The following NBEA variants were observed in gnomAD, a reference collection of about 807,000 sequenced individuals.
NBEA encodes the protein neurobeachin.
In NBEA, 44 loss-of-function variants were observed where a neutral mutation model predicts 343.4. The ratio of observed to expected loss-of-function variants is 0.13; its 90% CI spans 0.10 to 0.16. The LOEUF is 0.16. NBEA is among the 10% of genes least tolerant of loss of function. The pLI, the probability that NBEA is intolerant of heterozygous loss-of-function variation, is 1.00. For missense variants in NBEA, 2,555 were observed against 3,631.3 expected, an observed-to-expected ratio of 0.70 and a Z score of 7.62; for synonymous variants, 1,175 against 1,238.7, an observed-to-expected ratio of 0.95 and a Z score of 1.08.
intron 40 of NBEA, among the ~76,000 whole-genome samples, chr13:35,457,231 A>G (rs1203507912): frequency 6.6e-6 from 1 of 151,824 alleles, no homozygotes; most frequent in East Asian, 1.9e-4. Flanking sequence ...TATCATCTCC[A>G]TAATATTTTG....
chr13:35,021,643 A>G lies in NBEA; in HGVS notation c.295-19290A>G, dbSNP rs73487672. Among the ~76,000 whole-genome samples the G allele has an allele frequency of 2.3e-3, 344 of 151,376 alleles. 2 individuals are homozygous for G. The highest frequency in any genetic ancestry group is 7.9e-3 in the African/African-American group (327 of 41,314). Reference sequence around the variant, plus strand: ...CTACACTTTTTTTTTTACATGTTTAATGGTTTTTCTAGAGTTTATCATATG... The same window carrying G: ...CTACACTTTTTTTTTTACATGTTTAGTGGTTTTTCTAGAGTTTATCATATG... On this transcript the variant is annotated intron_variant, in intron 1 of 58. Coordinates refer to ENST00000379939, the MANE Select transcript of NBEA (RefSeq NM_001385012.1).
chr13:34,998,830 C>T (rs990343421), intron 1 of NBEA, among the ~76,000 whole-genome samples: 12 of 152,112 alleles, frequency 7.9e-5, no homozygotes, highest in Non-Finnish European at 1.5e-4. Flanking sequence ...TCCTCCTCAG[C>T]TTACGAAGAT....
At chr13:34,995,423 GAAA>G (rs35718599) in intron 1 of NBEA, among the ~76,000 whole-genome samples, 1 of 143,642 alleles carries the variant, frequency 7.0e-6, no homozygotes, top group Non-Finnish European at 1.5e-5. Flanking sequence ...CCTGTCTCAA[GAAA>G]AAAAAAAAAA....
In NBEA at chr13:35,452,215, A is replaced by G. The variant is rs371955738; in HGVS notation, c.6428A>G (p.Lys2143Arg). 25 of 1,586,346 alleles carry G rather than the reference A, an allele frequency of 1.6e-5. No individual in the cohort carries two copies. The highest frequency in any genetic ancestry group is 2.1e-5 in the Non-Finnish European group (24 of 1,166,026). The change falls in exon 40 of 59, where the codon AAA (lysine) becomes AGA (arginine). Residue 2143 changes from lysine (K) to arginine (R), a missense_variant. Lys to Arg is a conservative substitution (Grantham distance 26). Coordinates refer to ENST00000379939, the MANE Select transcript of NBEA (RefSeq NM_001385012.1). ...GATGCAGTCAGTCTGCTACAGGAGAAAGAAATTGACAACCTTGCAGGTAAA... is the reference window on the plus strand; with the variant it reads ...GATGCAGTCAGTCTGCTACAGGAGAGAGAAATTGACAACCTTGCAGGTAAA... ...DDDAVSLLQE[K>R]EIDNLAGPVV...
At chr13:35,180,742 G>A (rs558854637) in intron 28 of NBEA, among the ~76,000 whole-genome samples, 41 of 151,750 alleles carry the variant, frequency 2.7e-4, no homozygotes, top group African/African-American at 9.6e-4. Context: ...TTCTTTAGTG[G>A]CGATTTGTGA....
intron 38 of NBEA, among the ~76,000 whole-genome samples, chr13:35,388,954 T>C (rs577965067): frequency 6.6e-6 from 1 of 152,106 alleles, no homozygotes; most frequent in Non-Finnish European, 1.5e-5. Flanking sequence ...TACCTATATT[T>C]CTCTAAACGT....
At chr13:35,222,778 C>T (rs1275889773) in intron 33 of NBEA, among the ~76,000 whole-genome samples, 1 of 152,084 alleles carries the variant, frequency 6.6e-6, no homozygotes, top group Non-Finnish European at 1.5e-5. Flanking sequence ...CTCCTAATTC[C>T]TCTTTCACAT....
intron 18 of NBEA, among the ~76,000 whole-genome samples, chr13:35,143,666 TA>T (rs1412543771): frequency 5.3e-5 from 8 of 152,080 alleles, no homozygotes; most frequent in Admixed American, 2.0e-4. Flanking sequence ...AAAAATGTTT[TA>T]AAAATAAAAA....
intron 41 of NBEA, among the ~76,000 whole-genome samples, chr13:35,490,425 TA>T (rs1389072509): frequency 1.3e-5 from 2 of 151,912 alleles, no homozygotes; most frequent in African/African-American, 2.4e-5. Flanking sequence ...GATCACCAAC[TA>T]GACTGATTAT....
At chr13:35,087,565 A>G (rs189014415) in intron 10 of NBEA, among the ~76,000 whole-genome samples, 24 of 152,018 alleles carry the variant, frequency 1.6e-4, no homozygotes, top group African/African-American at 5.5e-4. Context: ...AGTAGCATTA[A>G]AATAATATTC....
intron 38 of NBEA, among the ~76,000 whole-genome samples, chr13:35,366,097 C>A (rs1476253370): frequency 2.0e-5 from 3 of 151,598 alleles, no homozygotes; most frequent in Non-Finnish European, 4.4e-5. Flanking sequence ...GAGTTAAAAA[C>A]CCTTTGGAAT....
intron 53 of NBEA, among the ~76,000 whole-genome samples, chr13:35,652,911 G>T (rs953609254): frequency 6.7e-6 from 1 of 149,858 alleles, no homozygotes; most frequent in South Asian, 2.1e-4. Context: ...AGCCAGGATG[G>T]TCTCGATCTC....
At chr13:35,449,915 G>C (rs1195945109) in intron 39 of NBEA, among the ~76,000 whole-genome samples, 1 of 152,076 alleles carries the variant, frequency 6.6e-6, no homozygotes. Context: ...TTAACCATGT[G>C]CTCTAAATGT....
At chr13:35,573,175 G>A (rs2080527645) in intron 45 of NBEA, among the ~76,000 whole-genome samples, 1 of 152,152 alleles carries the variant, frequency 6.6e-6, no homozygotes, top group Admixed American at 6.5e-5. Context: ...GAGGGACAAG[G>A]TATTGACTGG....
intron 38 of NBEA, among the ~76,000 whole-genome samples, chr13:35,415,842 G>A (rs1204436461): frequency 2.4e-4 from 36 of 152,070 alleles, no homozygotes; most frequent in Non-Finnish European, 3.2e-4. Flanking sequence ...CCATTTTCAC[G>A]ATACTGATTC....
chr13:34,955,330 G>C (rs2059458895), intron 1 of NBEA, among the ~76,000 whole-genome samples: 1 of 151,880 alleles, frequency 6.6e-6, no homozygotes, highest in Non-Finnish European at 1.5e-5. Flanking sequence ...GTACATAAAA[G>C]AGTAACATAA....
chr13:35,103,681 T>C (rs1047430961), intron 11 of NBEA, among the ~76,000 whole-genome samples: 1 of 151,884 alleles, frequency 6.6e-6, no homozygotes, highest in African/African-American at 2.4e-5. Context: ...TTTCTCTTAA[T>C]TTTTCATCCT....
intron 36 of NBEA, among the ~76,000 whole-genome samples, chr13:35,317,206 A>G (rs1298392901): frequency 6.6e-6 from 1 of 152,192 alleles, no homozygotes; most frequent in Non-Finnish European, 1.5e-5. Context: ...CCTGAAAGGC[A>G]TTGCCTAGGT....
chr13:35,516,581 T>C (rs1271802448), intron 41 of NBEA, among the ~76,000 whole-genome samples: 5 of 152,214 alleles, frequency 3.3e-5, no homozygotes. Context: ...CATCTTCAGA[T>C]ACCTCATCCA....
Sources: gnomAD v4.1 joint callset for allele counts (sites outside exome capture counted in the v4.1 genomes callset) on GRCh38, gnomAD v4.1.1 for gene constraint, MANE v1.5 for transcripts, NCBI Gene and HGNC (gene_info 2026-07-23, HGNC 2026-07-21) for gene names.